The following SYNPR variants were observed in gnomAD, a reference collection of about 807,000 sequenced individuals.
SYNPR encodes synaptoporin.
SYNPR carries 23 observed loss-of-function variants against 32.9 expected under a neutral mutation model. That is an observed-to-expected ratio of 0.70 (90% confidence interval 0.50 to 0.99). SYNPR has a LOEUF of 0.99. Among genes scored for constraint, SYNPR ranks in the 50% least tolerant of loss-of-function variants. The probability of loss-of-function intolerance (pLI) is 0.00; values close to 1 mark genes in which losing one functional copy is unlikely to be tolerated. For synonymous variants in SYNPR, 146 were observed against 135.9 expected (o/e 1.07, Z -0.52); for missense variants, 318 against 349.3 (o/e 0.91, Z 0.71).
At chr3:63,288,762 T>C (rs559749892) in intron 2 of SYNPR, among the ~76,000 whole-genome samples, 13 of 152,340 alleles carry the variant, frequency 8.5e-5, no homozygotes, top group Middle Eastern at 3.4e-3. Flanking sequence ...TGTGTGTAAG[T>C]GTTTACTAAT....
chr3:63,501,814 A>G (rs1470984670), intron 3 of SYNPR, among the ~76,000 whole-genome samples: 1 of 152,180 alleles, frequency 6.6e-6, no homozygotes, highest in Non-Finnish European at 1.5e-5. Context: ...ATAGATACCT[A>G]AAAGATACTA....
chr3:63,604,934 C>T (rs1415263419), intron 4 of SYNPR, among the ~76,000 whole-genome samples: 1 of 152,124 alleles, frequency 6.6e-6, no homozygotes, highest in South Asian at 2.1e-4. Flanking sequence ...TCTACCATTG[C>T]CACTTGATAT....
chr3:63,438,479 T>C (rs1478576691), intron 2 of SYNPR, among the ~76,000 whole-genome samples: 2 of 152,186 alleles, frequency 1.3e-5, no homozygotes, highest in African/African-American at 4.8e-5. Context: ...CCTCTCAGCT[T>C]CAGTTTAGAA....
intron 5 of SYNPR, among the ~76,000 whole-genome samples, chr3:63,614,059 GATC>G (rs950273931): frequency 2.0e-4 from 30 of 149,740 alleles, no homozygotes; most frequent in Admixed American, 4.7e-4. Context: ...GGCCACTGTG[GATC>G]ATCTCACTGT....
intron 2 of SYNPR, among the ~76,000 whole-genome samples, chr3:63,455,927 C>T (rs1298971125): frequency 6.6e-6 from 1 of 152,028 alleles, no homozygotes; most frequent in African/African-American, 2.4e-5. Context: ...TAAAGACCTT[C>T]CACAAGACTT....
Position 63,250,361 on chromosome 3 carries a change from T to G in SYNPR, n.67-2138T>G, listed in dbSNP as rs1464906966. ...AAAATAAAATAAAATAAAAATAAAATTATCCAAGATCTCCACGCCTGGGGC... is the reference window on the plus strand; with the variant it reads ...AAAATAAAATAAAATAAAAATAAAAGTATCCAAGATCTCCACGCCTGGGGC... On this transcript the variant is annotated intron_variant and non_coding_transcript_variant, in intron 1 of 4. Coordinates refer to the SYNPR transcript ENST00000478456. Among the ~76,000 whole-genome samples, 3 of 151,312 alleles carry G rather than the reference T, an allele frequency of 2.0e-5. No individual in the cohort carries two copies. The South Asian group carries it at 6.3e-4, about 32-fold the overall frequency.
chr3:63,420,405 T>C (rs535752290), intron 2 of SYNPR, among the ~76,000 whole-genome samples: 1 of 152,226 alleles, frequency 6.6e-6, no homozygotes, highest in Admixed American at 6.5e-5. Context: ...AGCTGGAAAA[T>C]AGATAAATGC....
intron 4 of SYNPR, among the ~76,000 whole-genome samples, chr3:63,583,124 T>C (rs1184203705): frequency 6.6e-6 from 1 of 151,968 alleles, no homozygotes; most frequent in Non-Finnish European, 1.5e-5. Flanking sequence ...AAGTGCATGG[T>C]GGGGAGATCA....
At chr3:63,566,052 A>G (rs1422929448) in intron 4 of SYNPR, among the ~76,000 whole-genome samples, 1 of 152,154 alleles carries the variant, frequency 6.6e-6, no homozygotes, top group Non-Finnish European at 1.5e-5. Context: ...AATGCTGTCA[A>G]CCTCATTTCC....
At chr3:63,574,254 G>C (rs567361097) in intron 4 of SYNPR, among the ~76,000 whole-genome samples, 8 of 152,118 alleles carry the variant, frequency 5.3e-5, no homozygotes, top group African/African-American at 1.9e-4. Flanking sequence ...CATTTTGCCT[G>C]TGGCCTCACA....
chr3:63,522,218 C>T (rs1701930404), intron 3 of SYNPR, among the ~76,000 whole-genome samples: 1 of 152,136 alleles, frequency 6.6e-6, no homozygotes, highest in South Asian at 2.1e-4. Flanking sequence ...AAAAAAAGGG[C>T]TAACGTGAAA....
intron 2 of SYNPR, among the ~76,000 whole-genome samples, chr3:63,370,937 C>T (rs2087803983): frequency 6.6e-6 from 1 of 152,056 alleles, no homozygotes; most frequent in South Asian, 2.1e-4. Flanking sequence ...GGGGGAGAGC[C>T]AAGATGGCTG....
chr3:63,229,093 G>C (rs983187340), intron 1 of SYNPR, among the ~76,000 whole-genome samples: 11 of 152,088 alleles, frequency 7.2e-5, no homozygotes, highest in African/African-American at 2.7e-4. Context: ...AAATAGGTTG[G>C]CATTTTACTG....
At chr3:63,394,812 A>G (rs2088190465) in intron 2 of SYNPR, among the ~76,000 whole-genome samples, 1 of 152,208 alleles carries the variant, frequency 6.6e-6, no homozygotes, top group Non-Finnish European at 1.5e-5. Context: ...ACCTTAAGCA[A>G]TTATTCTTTT....
chr3:63,561,231 G>A lies in SYNPR; in HGVS notation c.408+4490G>A, dbSNP rs1179785248. On this transcript the variant is annotated intron_variant, in intron 4 of 5. Coordinates refer to ENST00000478300, the MANE Select transcript of SYNPR (RefSeq NM_001130003.2). ...GTTAATGTTGTAGGGAAGTGACAAG[G>A]ACGATAATAACAATAACATCAACCG... Among the ~76,000 whole-genome samples the A allele has an allele frequency of 2.0e-5, 3 of 152,128 alleles. No homozygotes were observed. In the East Asian group the frequency reaches 5.8e-4, roughly 29 times the overall value.
chr3:63,248,589 T>C (rs9848398), intron 1 of SYNPR, among the ~76,000 whole-genome samples: 2,413 of 152,254 alleles, frequency 0.016, 51 homozygotes, highest in African/African-American at 0.054. Context: ...TAATCAGTAC[T>C]CATTTGTTCA....
chr3:63,377,052 C>G (rs1344067011), intron 2 of SYNPR, among the ~76,000 whole-genome samples: 3 of 152,062 alleles, frequency 2.0e-5, no homozygotes, highest in Non-Finnish European at 4.4e-5. Flanking sequence ...TTCCCAAGTA[C>G]AACTGATGTA....
chr3:63,519,546 T>TC (rs529655716), intron 3 of SYNPR, among the ~76,000 whole-genome samples: 7 of 152,284 alleles, frequency 4.6e-5, no homozygotes, highest in African/African-American at 1.7e-4. Context: ...TTTCAAGCCC[T>TC]CCTTGACCCT....
At chr3:63,333,379 A>G (rs1375472157) in intron 2 of SYNPR, among the ~76,000 whole-genome samples, 4 of 151,548 alleles carry the variant, frequency 2.6e-5, no homozygotes, top group Non-Finnish European at 4.4e-5. Context: ...TTTCAAGGGA[A>G]GGAAAGGATA....
Sources: gnomAD v4.1 joint callset for allele counts (sites outside exome capture counted in the v4.1 genomes callset) on GRCh38, gnomAD v4.1.1 for gene constraint, MANE v1.5 for transcripts, NCBI Gene and HGNC (gene_info 2026-07-23, HGNC 2026-07-21) for gene names.